The following ZFHX3 variants were observed in gnomAD, a reference collection of about 807,000 sequenced individuals.
The protein encoded by ZFHX3 is zinc finger homeobox 3.
ZFHX3 carries 42 observed loss-of-function variants against 279.1 expected under a neutral mutation model. The observed-to-expected ratio is 0.15, with a 90% CI of 0.12 to 0.19. ZFHX3 has a LOEUF of 0.19. Ranked by LOEUF, ZFHX3 falls within the 10% of genes least tolerant of loss-of-function variation. The pLI, the probability that ZFHX3 is intolerant of heterozygous loss-of-function variation, is 1.00. For synonymous variants in ZFHX3, 2,293 were observed against 1,957.8 expected (o/e 1.17, Z -4.52); for missense variants, 4,981 against 4,754.0 (o/e 1.05, Z -1.40).
chr16:73,065,772 G>A (rs1022432053), intron 8 of ZFHX3, among the ~76,000 whole-genome samples: 12 of 152,032 alleles, frequency 7.9e-5, no homozygotes, highest in Admixed American at 6.6e-4. Context: ...TTTGGGGAGC[G>A]CATCAACTTT....
chr16:73,642,244 C>T (rs576328646), intron 2 of ZFHX3, among the ~76,000 whole-genome samples: 2 of 152,310 alleles, frequency 1.3e-5, no homozygotes, highest in African/African-American at 4.8e-5. Flanking sequence ...GGATTCTTTG[C>T]CTGCAGCTCT....
chr16:73,564,583 A>G (rs974811605), intron 2 of ZFHX3, among the ~76,000 whole-genome samples: 1 of 152,128 alleles, frequency 6.6e-6, no homozygotes, highest in African/African-American at 2.4e-5. Context: ...TCCCTACCCC[A>G]GCCAGAGCAA....
At chr16:73,685,218 G>A (rs182069384) in intron 1 of ZFHX3, among the ~76,000 whole-genome samples, 122 of 145,730 alleles carry the variant, frequency 8.4e-4, no homozygotes, top group Middle Eastern at 8.7e-3. Flanking sequence ...GGGTTTCACC[G>A]TGTTGGCCCA....
chr16:73,815,725 T>A (rs541389248), intron 1 of ZFHX3: 4 of 152,018 alleles, frequency 2.6e-5, no homozygotes, highest in African/African-American at 7.2e-5. Context: ...CCACGCCCGG[T>A]TAATTTTTTT....
chr16:73,164,967 A>G (rs568897347), intron 5 of ZFHX3, among the ~76,000 whole-genome samples: 1 of 152,360 alleles, frequency 6.6e-6, no homozygotes, highest in East Asian at 1.9e-4. Flanking sequence ...ATCCTTATTT[A>G]CTGCATTCTT....
At chr16:73,822,245 T>A (rs1004517959) in intron 1 of ZFHX3, among the ~76,000 whole-genome samples, 1 of 152,250 alleles carries the variant, frequency 6.6e-6, no homozygotes. Context: ...GAACCCAGAA[T>A]TGGGGCTCTG....
intron 4 of ZFHX3, among the ~76,000 whole-genome samples, chr16:73,279,898 C>G (rs1471628374): frequency 1.3e-5 from 2 of 152,076 alleles, no homozygotes; most frequent in African/African-American, 4.8e-5. Flanking sequence ...CTATGCACGA[C>G]AGAAAGGTTT....
chr16:73,107,289 G>C (rs570005821), intron 7 of ZFHX3, among the ~76,000 whole-genome samples: 1 of 151,812 alleles, frequency 6.6e-6, no homozygotes, highest in Non-Finnish European at 1.5e-5. Flanking sequence ...CAGACTGGAC[G>C]ACAGAGCAAG....
rs1308082159 is a variant in ZFHX3, at chr16:72,783,755, T to G, written c.*3409A>C. The G allele has an allele frequency of 6.6e-6, 1 of 152,072 alleles. No individual in the cohort carries two copies. The highest frequency in any genetic ancestry group is 6.5e-5 in the Admixed American group (1 of 15,268). The allele number at this position is 152,072 out of a possible 1,614,324, so 9.4% of individuals were successfully genotyped here. On this transcript the variant is annotated 3_prime_UTR_variant, in exon 10 of 10. Coordinates refer to ENST00000268489, the MANE Select transcript of ZFHX3 (RefSeq NM_006885.4). The stretch of plus-strand genomic sequence containing the variant: ...ACCAAAAAACGAGTGTCAATGGAGG[T>G]GAAGAACTAATTTAAAAAGCAAGTG...
At chr16:73,259,679 AT>A (rs1275363731) in intron 4 of ZFHX3, among the ~76,000 whole-genome samples, 1 of 152,234 alleles carries the variant, frequency 6.6e-6, no homozygotes, top group Admixed American at 6.5e-5. Flanking sequence ...ACGTAAAAAA[AT>A]AATTTCAAAA....
intron 2 of ZFHX3, among the ~76,000 whole-genome samples, chr16:73,548,480 A>C (rs12600044): frequency 0.032 from 3,984 of 122,972 alleles, 226 homozygotes; most frequent in Admixed American, 0.16. Context: ...TTTTTTTTTT[A>C]AAAAAAAGTG....
At chr16:72,989,467 C>T (rs1962989090) in intron 1 of ZFHX3, among the ~76,000 whole-genome samples, 1 of 149,430 alleles carries the variant, frequency 6.7e-6, no homozygotes, top group Non-Finnish European at 1.5e-5. Flanking sequence ...GGGCGACAGA[C>T]ACTCTGTCTC....
chr16:73,606,812 T>C (rs2052189797), intron 2 of ZFHX3, among the ~76,000 whole-genome samples: 1 of 152,128 alleles, frequency 6.6e-6, no homozygotes, highest in South Asian at 2.1e-4. Flanking sequence ...AGTTCCCACT[T>C]ATAAGTGAGA....
At chr16:73,319,139 C>A (rs902281799) in intron 3 of ZFHX3, among the ~76,000 whole-genome samples, 1 of 151,746 alleles carries the variant, frequency 6.6e-6, no homozygotes, top group Non-Finnish European at 1.5e-5. Context: ...GCACAAGGAC[C>A]GGAGCAGGTA....
At chr16:72,816,944 C>T (rs2036624249) in intron 5 of ZFHX3, among the ~76,000 whole-genome samples, 1 of 152,152 alleles carries the variant, frequency 6.6e-6, no homozygotes, top group Admixed American at 6.5e-5. Context: ...AAAATAATTA[C>T]TTTAAAAGTT....
intron 1 of ZFHX3, among the ~76,000 whole-genome samples, chr16:73,878,519 A>G (rs1319824448): frequency 2.6e-5 from 4 of 152,194 alleles, no homozygotes; most frequent in Non-Finnish European, 5.9e-5. Context: ...GACCAGAATC[A>G]GCTCTCATTT....
At chr16:73,224,985 C>T (rs1383899522) in intron 5 of ZFHX3, among the ~76,000 whole-genome samples, 1 of 152,076 alleles carries the variant, frequency 6.6e-6, no homozygotes, top group Non-Finnish European at 1.5e-5. Context: ...TTCTGTGTCA[C>T]CTTCACTGTG....
intron 1 of ZFHX3, among the ~76,000 whole-genome samples, chr16:73,027,259 A>C (rs1348696564): frequency 6.6e-6 from 1 of 152,214 alleles, no homozygotes; most frequent in Non-Finnish European, 1.5e-5. Context: ...GATTGCTGGG[A>C]GACTTCTCAA....
At chr16:73,473,365 A>C (rs9319486) in intron 2 of ZFHX3, among the ~76,000 whole-genome samples, 27 of 130,160 alleles carry the variant, frequency 2.1e-4, no homozygotes, top group African/African-American at 4.3e-4. Flanking sequence ...AAACAAAAAA[A>C]AAAAAAACAA....
Sources: gnomAD v4.1 joint callset for allele counts (sites outside exome capture counted in the v4.1 genomes callset) on GRCh38, gnomAD v4.1.1 for gene constraint, MANE v1.5 for transcripts, NCBI Gene and HGNC (gene_info 2026-07-23, HGNC 2026-07-21) for gene names.